Variants in ITPR3 observed in about 807,000 individuals in gnomAD.
ITPR3 encodes the protein inositol 1,4,5-trisphosphate-gated calcium channel ITPR3.
ITPR3 carries 173 observed loss-of-function variants against 293.2 expected under a neutral mutation model. That is an observed-to-expected ratio of 0.59 (90% CI 0.52 to 0.67). The LOEUF is 0.67. Among genes scored for constraint, ITPR3 ranks in the 30% least tolerant of loss-of-function variants. The pLI, the probability that ITPR3 is intolerant of heterozygous loss-of-function variation, is 0.00. For missense variants in ITPR3, 2,796 were observed against 3,592.1 expected, an observed-to-expected ratio of 0.78 and a Z score of 5.66; for synonymous variants, 1,295 against 1,444.4, an observed-to-expected ratio of 0.90 and a Z score of 2.35.
rs931104730 is a variant in ITPR3, at chr6:33,655,612, G to A, written c.161-154G>A. ...CATATTCCAGGATGCTCCAAATTCTGTGAGGTTCTTCCAACCGCTTCCTCT... is the reference window on the plus strand; with the variant it reads ...CATATTCCAGGATGCTCCAAATTCTATGAGGTTCTTCCAACCGCTTCCTCT... On this transcript the variant is annotated intron_variant, in intron 2 of 57. Transcript: ENST00000605930. This position sits in a 1 kb window ranked among gnomAD's most constrained non-coding sequence, Gnocchi z 4.9. 1.3e-5 allele frequency among the ~76,000 whole-genome samples: 2 copies of A among 152,146 alleles called. No homozygotes were observed. Among genetic ancestry groups the A allele is most frequent in the African/African-American group, 4.8e-5 (2 of 41,432 alleles).
rs1025868509 is a variant in ITPR3 at position 33,683,894 on chromosome 6, G to A, written c.4789-126G>A. 9.5e-5 allele frequency: 98 copies of A among 1,035,170 alleles called. No individual in the cohort carries two copies. The Admixed American group carries it at 1.4e-3, about 15-fold the overall frequency. The allele number at this position is 1,035,170 out of a possible 1,614,324, so 64.1% of individuals were successfully genotyped here. ...CACGCTGTGTTCAGGGTGTCTCTGTGGGTGTGGGCCCCTCAGACAGAGGCA... is the reference window on the plus strand; with the variant it reads ...CACGCTGTGTTCAGGGTGTCTCTGTAGGTGTGGGCCCCTCAGACAGAGGCA... On this transcript the variant is annotated intron_variant, in intron 35 of 57. Coordinates refer to ENST00000605930, the MANE Select transcript of ITPR3 (RefSeq NM_002224.4). The surrounding 1 kb of genome is among the most constrained non-coding windows in gnomAD (Gnocchi z 4.5).
Position 33,685,759 on chromosome 6 carries a change from GT to G in ITPR3, c.5600del (p.Val1867GlyfsTer94). ...RVQSSEMGTS[V>X]LIMQPILRFL... is the part of the protein sequence containing the mutation. ...GCAGAGCAGTGAGATGGGCACATCC[GT>G]GCTCATCATGCAGCCCATCCTGCGC... On this transcript the variant is annotated frameshift_variant, in exon 41 of 58. Transcript: ENST00000605930. LOFTEE classifies it high-confidence loss of function. The G allele has an allele frequency of 6.2e-7, 1 of 1,604,608 alleles. No homozygotes were observed. Among genetic ancestry groups the G allele is most frequent in the Non-Finnish European group, 8.5e-7 (1 of 1,173,606 alleles).
At position 33,675,780 on chromosome 6, in the gene ITPR3, C is replaced by A; in HGVS notation, c.3206C>A (p.Pro1069Gln). ...LIHLTMHDYA[P>Q]LVSGALQLLF... The stretch of plus-strand genomic sequence containing the variant: ...CACCTCACCATGCACGACTATGCGC[C>A]GCTGGTCTCGGGTGCCCTGCAGCTG... Residue 1069 changes from proline to glutamine, a missense_variant, in exon 25 of 58, where the codon CCG (proline) becomes CAG (glutamine). This residue lies in a region of ITPR3 where 955 missense variants were observed against 1,180.8 expected (regional missense o/e 0.81). Transcript: ENST00000605930. This position sits in a 1 kb window ranked among gnomAD's most constrained non-coding sequence, Gnocchi z 5.0. 1 of 1,611,462 alleles carries A rather than the reference C, an allele frequency of 6.2e-7. No individual in the cohort carries two copies. The highest frequency in any genetic ancestry group is 8.5e-7 in the Non-Finnish European group (1 of 1,179,184).
chr6:33,665,393 C>T (rs1582134853), intron 13 of ITPR3, among the ~76,000 whole-genome samples, 180 bp downstream of exon 13: 1 of 152,346 alleles, frequency 6.6e-6, no homozygotes, highest in South Asian at 2.1e-4. Context: ...GGCTTAGGTA[C>T]TCCCAGAACT....
At chr6:33,636,993 G>T (rs1201515873) in intron 1 of ITPR3, among the ~76,000 whole-genome samples, 1 of 152,156 alleles carries the variant, frequency 6.6e-6, no homozygotes, top group Non-Finnish European at 1.5e-5. Flanking sequence ...CTGGCTCTGT[G>T]GATTGTTTAA....
Position 33,621,810 on chromosome 6 carries a change from A to C in ITPR3, c.89+119A>C, listed in dbSNP as rs1332621594. 9.7e-6 allele frequency: 7 copies of C among 719,496 alleles called. No individual in the cohort carries two copies. Among genetic ancestry groups the C allele is most frequent in the Non-Finnish European group, 1.7e-5 (7 of 423,492 alleles). The allele number at this position is 719,496 out of a possible 1,614,324, so 44.6% of individuals were successfully genotyped here. A position where few individuals can be genotyped will look rare whatever the true frequency, so the allele number is the denominator to read the frequency against. Reference sequence around the variant, plus strand: ...GAGGCCTGGACGTCCCCCTAGTCTCAAGGAGCGGGAACGGCTCGCCTCCTT... The same window carrying C: ...GAGGCCTGGACGTCCCCCTAGTCTCCAGGAGCGGGAACGGCTCGCCTCCTT... On this transcript the variant is annotated intron_variant, in intron 1 of 57. Coordinates refer to ENST00000605930, the MANE Select transcript of ITPR3 (RefSeq NM_002224.4). This position sits in a 1 kb window ranked among gnomAD's most constrained non-coding sequence, Gnocchi z 7.7.
At chr6:33,669,414 C>G (rs1764699670) in intron 18 of ITPR3, among the ~76,000 whole-genome samples, 1 of 152,210 alleles carries the variant, frequency 6.6e-6, no homozygotes, top group African/African-American at 2.4e-5. Flanking sequence ...AGACTGTTTT[C>G]AAACATGTAT....
At chr6:33,688,857 G>T in intron 49 of ITPR3, 76 bp downstream of exon 49, 4 of 1,594,992 alleles carry the variant, frequency 2.5e-6, no homozygotes, top group Non-Finnish European at 3.4e-6. Flanking sequence ...AGAGCCTTGA[G>T]GCCAGCTGGC....
chr6:33,691,241 G>A lies in ITPR3; in HGVS notation c.7225+132G>A. ...GTCTGCTTCTCCTCTTGGCTTCTGG[G>A]GACGTCTAGCTAACACCAGTCTGCC... On this transcript the variant is annotated intron_variant, in intron 52 of 57. Coordinates refer to ENST00000605930, the MANE Select transcript of ITPR3 (RefSeq NM_002224.4). This position sits in a 1 kb window ranked among gnomAD's most constrained non-coding sequence, Gnocchi z 4.9. 2.3e-6 allele frequency: 2 copies of A among 853,760 alleles called. No homozygotes were observed. Among genetic ancestry groups the A allele is most frequent in the Non-Finnish European group, 3.7e-6 (2 of 545,614 alleles). The allele number at this position is 853,760 out of a possible 1,614,324, so 52.9% of individuals were successfully genotyped here. A position where few individuals can be genotyped will look rare whatever the true frequency, so the allele number is the denominator to read the frequency against.
intron 1 of ITPR3, among the ~76,000 whole-genome samples, chr6:33,630,145 G>A (rs1036045895): frequency 3.3e-5 from 5 of 152,100 alleles, no homozygotes; most frequent in African/African-American, 1.2e-4. Flanking sequence ...ATTTTCTTAT[G>A]CCTCTTCAGT....
intron 2 of ITPR3, among the ~76,000 whole-genome samples, chr6:33,646,738 C>T (rs755796902): frequency 5.4e-4 from 82 of 151,926 alleles, no homozygotes; most frequent in Non-Finnish European, 9.6e-4. Context: ...GGCAACATGG[C>T]GAAACCCCGT....
chr6:33,670,399 T>G lies in ITPR3; in HGVS notation c.2264T>G (p.Leu755Arg). 6.2e-7 allele frequency: 1 copy of G among 1,614,144 alleles called. No individual in the cohort carries two copies. The highest frequency in any genetic ancestry group is 1.1e-5 in the South Asian group (1 of 91,084). The change falls in exon 19 of 58, where the codon CTG becomes CGG. Residue 755 changes from leucine (L) to arginine (R), a missense_variant. Physicochemically the swap from Leu to Arg is moderately radical, Grantham distance 102 (BLOSUM62 -2). This residue lies in a region of ITPR3 where 955 missense variants were observed against 1,180.8 expected (regional missense o/e 0.81). Transcript: ENST00000605930. This position sits in a 1 kb window ranked among gnomAD's most constrained non-coding sequence, Gnocchi z 6.7. ...YLAIDEISQQ[L>R]GVDLIFLCMA... is the part of the protein sequence containing the mutation. ...GCCATCGACGAGATCTCCCAGCAGC[T>G]GGGCGTGGACCTGATTTTCCTGTGC... is the stretch of plus-strand genomic sequence containing the variant.
In ITPR3 at chr6:33,670,296, G is replaced by A. The variant is rs553794549; in HGVS notation, c.2190-29G>A. The A allele has an allele frequency of 2.5e-5, 41 of 1,612,796 alleles. No homozygotes were observed. The highest frequency in any genetic ancestry group is 6.6e-5 in the South Asian group (6 of 91,046). ...AGCAGCCTCCCGGCTGCCATCTGCC[G>A]TGTCCTCACAGTCCTCCCTGTCCTG... On this transcript the variant is annotated intron_variant, in intron 18 of 57. Coordinates refer to ENST00000605930, the MANE Select transcript of ITPR3 (RefSeq NM_002224.4). The surrounding 1 kb of genome is among the most constrained non-coding windows in gnomAD (Gnocchi z 6.7).
rs762211426 is a variant in ITPR3, at chr6:33,669,055, G to C, written c.2088G>C (p.Trp696Cys). Residue 696 changes from tryptophan to cysteine, a missense_variant, in exon 18 of 58, where the codon TGG becomes TGC. By Grantham distance (215) the Trp-to-Cys change is radical. This residue lies in a region of ITPR3 where 955 missense variants were observed against 1,180.8 expected (regional missense o/e 0.81). Transcript: ENST00000605930. ...CAGAAGAGGAAGTGTGGCTCACGTG[G>C]ACTGACAAGAATAACGAGCATCATG... is the stretch of plus-strand genomic sequence containing the variant. Reference protein sequence around the residue: ...EYSEEEVWLTWTDKNNEHHEK... With the variant: ...EYSEEEVWLTCTDKNNEHHEK... 1.2e-6 allele frequency: 2 copies of C among 1,614,186 alleles called. No individual in the cohort carries two copies. The highest frequency in any genetic ancestry group is 1.7e-6 in the Non-Finnish European group (2 of 1,180,034).
At chr6:33,694,407 C>CCA (rs1554140630) in intron 56 of ITPR3, 2 of 172,880 alleles carry the variant, frequency 1.2e-5, no homozygotes, top group Admixed American at 1.3e-4. Context: ...GCCCCCTCCC[C>CCA]CCCCGACTCC....
chr6:33,695,588 G>A (rs1252104743), intron 57 of ITPR3, 124 bp from the exon 58 acceptor site: 4 of 911,390 alleles, frequency 4.4e-6, no homozygotes, highest in Non-Finnish European at 7.0e-6. Context: ...GCCCTGGCCC[G>A]CCGCCAGTGC....
chr6:33,683,314 T>C lies in ITPR3; in HGVS notation c.4705T>C (p.Tyr1569His). The C allele has an allele frequency of 6.3e-7, 1 of 1,590,542 alleles. No individual in the cohort carries two copies. Among genetic ancestry groups the C allele is most frequent in the Non-Finnish European group, 8.6e-7 (1 of 1,169,192 alleles). Residue 1569 changes from tyrosine (Y) to histidine (H), a missense_variant, in exon 35 of 58, where the codon TAC (tyrosine) becomes CAC (histidine). By Grantham distance (83) the Tyr-to-His change is moderately conservative. Transcript: ENST00000605930. The surrounding 1 kb of genome is among the most constrained non-coding windows in gnomAD (Gnocchi z 4.5). Reference protein sequence around the residue: ...AAAAQRNASSYKATTRAFPRV... With the variant: ...AAAAQRNASSHKATTRAFPRV... Reference sequence around the variant, plus strand: ...TGCCGCCCAGCGGAACGCCTCCAGCTACAAGGCAACCACGCGGGCCTTCCC... The same window carrying C: ...TGCCGCCCAGCGGAACGCCTCCAGCCACAAGGCAACCACGCGGGCCTTCCC...
rs1051173836 is a variant in ITPR3, at chr6:33,662,404, T to C, written c.712-124T>C. The C allele has an allele frequency of 7.9e-6, 9 of 1,134,724 alleles. No homozygotes were observed. In the African/African-American group the frequency reaches 1.4e-4, roughly 18 times the overall value. The allele number at this position is 1,134,724 out of a possible 1,614,324, so 70.3% of individuals were successfully genotyped here. On this transcript the variant is annotated intron_variant, in intron 7 of 57. Transcript: ENST00000605930. ...AGCTTGCATCCCCCTCTCTGTGTGC[T>C]GGCTCTGGAAGAGGGGCCCTGCCAG...
In ITPR3 at chr6:33,691,623, C is replaced by T. The variant is rs1460142452; in HGVS notation, c.7234C>T (p.Leu2412=). Reference sequence around the variant, plus strand: ...ATCCATATCCCCTCCAGCCAGCCCCCTGGGGATGCCACATGGAGCTGCTGC... The same window carrying T: ...ATCCATATCCCCTCCAGCCAGCCCCTTGGGGATGCCACATGGAGCTGCTGC... ...LPNNHSTASP[L]GMPHGAAAFV... is the part of the protein sequence containing the mutation. Residue 2412 remains leucine (L), a synonymous_variant, in exon 53 of 58, where the codon CTG becomes TTG. Transcript: ENST00000605930. The surrounding 1 kb of genome is among the most constrained non-coding windows in gnomAD (Gnocchi z 4.9). 3 of 1,613,948 alleles carry T rather than the reference C, an allele frequency of 1.9e-6. No individual in the cohort carries two copies. The highest frequency in any genetic ancestry group is 2.2e-5 in the East Asian group (1 of 44,882).
Sources: allele counts gnomAD v4.1 joint callset (sites outside exome capture counted in the v4.1 genomes callset), GRCh38; gene constraint gnomAD v4.1.1; regional missense constraint gnomAD v4.1.1; non-coding constraint Gnocchi (gnomAD v3.1); transcripts MANE v1.5; gene names NCBI Gene and HGNC (gene_info 2026-07-23, HGNC 2026-07-21).